Variants in TANGO6 observed in about 807,000 individuals in gnomAD.
TANGO6 encodes transport and golgi organization 6 homolog.
Under a neutral mutation model 114.2 loss-of-function variants are expected in TANGO6, and 90 were observed. The observed-to-expected ratio is 0.79, with a 90% confidence interval of 0.66 to 0.94. TANGO6 has a LOEUF of 0.94. TANGO6 is among the 40% of genes least tolerant of loss of function. The probability of loss-of-function intolerance (pLI) is 0.00; values close to 1 mark genes in which losing one functional copy is unlikely to be tolerated. For missense variants in TANGO6, 1,274 were observed against 1,315.3 expected, an observed-to-expected ratio of 0.97 and a Z score of 0.49; for synonymous variants, 477 against 509.8, an observed-to-expected ratio of 0.94 and a Z score of 0.87.
At chr16:69,007,814 T>C (rs1964107121) in intron 15 of TANGO6, among the ~76,000 whole-genome samples, 1 of 152,194 alleles carries the variant, frequency 6.6e-6, no homozygotes, top group African/African-American at 2.4e-5. Context: ...CAGGGCTTAT[T>C]ATTGTCTGCC....
In TANGO6 at chr16:68,867,218, G is replaced by A. The variant is rs1374128806; in HGVS notation, c.992G>A (p.Gly331Asp). 2 of 1,613,754 alleles carry A rather than the reference G, an allele frequency of 1.2e-6. No homozygotes were observed. Among genetic ancestry groups the A allele is most frequent in the South Asian group, 2.2e-5 (2 of 91,058 alleles). Residue 331 changes from glycine (G) to aspartate (D), a missense_variant and splice_region_variant, in exon 4 of 18, where the codon GGT (glycine) becomes GAT (aspartate). Gly to Asp is a moderately conservative substitution (Grantham distance 94). Transcript: ENST00000261778. ...GTCCGGGGCATTTTGGAAGGAGCAG[G>A]TGGTAAGAAATAAAATGTTGCTGTG... is the stretch of plus-strand genomic sequence containing the variant. ...AVVRGILEGA[G>D]AGAAGGSDAE...
intron 14 of TANGO6, among the ~76,000 whole-genome samples, chr16:68,931,424 CAT>C (rs1464179370): frequency 2.0e-5 from 3 of 152,194 alleles, no homozygotes; most frequent in African/African-American, 4.8e-5. Context: ...TAAATGAAAA[CAT>C]ATGTCTGCAC....
chr16:68,962,804 G>A lies in TANGO6; in HGVS notation c.2702-11224G>A, dbSNP rs184027119. Reference sequence around the variant, plus strand: ...AAAATAAAGAGTCAAAAAAGCGGCCGGGCGCGGTGGCTCATGCCTGTAATC... The same window carrying A: ...AAAATAAAGAGTCAAAAAAGCGGCCAGGCGCGGTGGCTCATGCCTGTAATC... On this transcript the variant is annotated intron_variant, in intron 14 of 17. Transcript: ENST00000261778. 2.7e-3 allele frequency among the ~76,000 whole-genome samples: 404 copies of A among 151,840 alleles called. 1 individual carries two copies. Among genetic ancestry groups the A allele is most frequent in the Non-Finnish European group, 4.4e-3 (299 of 67,932 alleles).
chr16:68,891,493 C>T (rs956958206), intron 7 of TANGO6, among the ~76,000 whole-genome samples: 2 of 152,086 alleles, frequency 1.3e-5, no homozygotes, highest in East Asian at 3.9e-4. Flanking sequence ...AGAAATGGAG[C>T]ATGTGAGAAC....
chr16:68,878,134 A>C lies in TANGO6; in HGVS notation c.1148A>C (p.His383Pro). 1 of 1,609,402 alleles carries C rather than the reference A, an allele frequency of 6.2e-7. No individual in the cohort carries two copies. The highest frequency in any genetic ancestry group is 8.5e-7 in the Non-Finnish European group (1 of 1,178,310). Residue 383 changes from histidine (H) to proline (P), a missense_variant, in exon 6 of 18, where the codon CAC (histidine) becomes CCC (proline). By Grantham distance (77) the His-to-Pro change is moderately conservative. Transcript: ENST00000261778. ...DICPQVLDLF[H>P]FQDKLTARQF... is the part of the protein sequence containing the mutation. ...TTTTTGTAGGTTCTGGATTTATTTC[A>C]CTTTCAAGATAAATTGACAGCACGA...
At chr16:69,040,172 G>A in intron 16 of TANGO6, 136 bp from the exon 17 acceptor site, 2 of 710,952 alleles carry the variant, frequency 2.8e-6, no homozygotes, top group South Asian at 1.9e-5. Context: ...TCTTTGTTGA[G>A]GATTAAGCAA....
At chr16:69,058,811 G>T (rs951237067) in intron 17 of TANGO6, among the ~76,000 whole-genome samples, 1 of 151,444 alleles carries the variant, frequency 6.6e-6, no homozygotes, top group African/African-American at 2.4e-5. Context: ...GACTACAGGC[G>T]CCCGCCACCA....
In TANGO6 at chr16:69,066,212, C is replaced by T. The variant is rs1213663844; in HGVS notation, c.3109-17273C>T. 2.0e-5 allele frequency among the ~76,000 whole-genome samples: 3 copies of T among 152,224 alleles called. No homozygotes were observed. The South Asian group carries it at 6.2e-4, about 32-fold the overall frequency. Reference sequence around the variant, plus strand: ...CTTCATTTATTCATCTGCCCAGCCACTCTGCCTTTGGCTTCTCCTCTCTAG... The same window carrying T: ...CTTCATTTATTCATCTGCCCAGCCATTCTGCCTTTGGCTTCTCCTCTCTAG... On this transcript the variant is annotated intron_variant, in intron 17 of 17. Transcript: ENST00000261778.
intron 14 of TANGO6, among the ~76,000 whole-genome samples, chr16:68,961,258 A>G (rs893102785): frequency 2.0e-5 from 3 of 152,236 alleles, no homozygotes; most frequent in Non-Finnish European, 4.4e-5. Flanking sequence ...TTGCAAAGCT[A>G]GTATGATTCC....
intron 9 of TANGO6, among the ~76,000 whole-genome samples, chr16:68,904,198 C>G (rs1400613733): frequency 6.6e-6 from 1 of 152,114 alleles, no homozygotes. Flanking sequence ...CCTCTGCCTC[C>G]TGGGTTCAAG....
chr16:68,877,387 G>A (rs1282207790), intron 5 of TANGO6, among the ~76,000 whole-genome samples: 3 of 150,186 alleles, frequency 2.0e-5, no homozygotes, highest in East Asian at 4.0e-4. Flanking sequence ...AGAATTGCTT[G>A]AACCTGGGAG....
intron 1 of TANGO6, among the ~76,000 whole-genome samples, chr16:68,849,088 A>G (rs1449854663): frequency 1.3e-5 from 2 of 152,182 alleles, no homozygotes; most frequent in Non-Finnish European, 2.9e-5. Flanking sequence ...TAATCCCAGC[A>G]CTTTGGGAGG....
intron 17 of TANGO6, among the ~76,000 whole-genome samples, chr16:69,068,714 G>A (rs151044319): frequency 6.6e-6 from 1 of 152,128 alleles, no homozygotes; most frequent in Non-Finnish European, 1.5e-5. Flanking sequence ...TTGGATCTTT[G>A]TTTTTGTTGT....
chr16:68,856,163 T>C (rs907115032), intron 1 of TANGO6, among the ~76,000 whole-genome samples: 4 of 152,196 alleles, frequency 2.6e-5, no homozygotes, highest in African/African-American at 7.2e-5. Flanking sequence ...TTCAGTAATA[T>C]GTTGAATAGA....
chr16:68,878,357 C>T, intron 6 of TANGO6, 77 bp downstream of exon 6: 2 of 1,467,784 alleles, frequency 1.4e-6, no homozygotes, highest in Admixed American at 2.5e-5. Context: ...TGATTTAAAT[C>T]TGTGTTATAT....
At chr16:68,954,038 G>A (rs960981378) in intron 14 of TANGO6, among the ~76,000 whole-genome samples, 1 of 151,682 alleles carries the variant, frequency 6.6e-6, no homozygotes, top group South Asian at 2.1e-4. Flanking sequence ...TCAGGAGTTC[G>A]AGACCAGCCT....
intron 12 of TANGO6, among the ~76,000 whole-genome samples, chr16:68,920,929 C>T (rs1963082093): frequency 6.6e-6 from 1 of 151,536 alleles, no homozygotes; most frequent in Non-Finnish European, 1.5e-5. Context: ...CTGGCTAACA[C>T]AGTGAAACTC....
intron 17 of TANGO6, among the ~76,000 whole-genome samples, chr16:69,073,617 C>T (rs887853102): frequency 6.6e-6 from 1 of 152,114 alleles, no homozygotes; most frequent in African/African-American, 2.4e-5. Flanking sequence ...TTTCATGCGG[C>T]CAGCCTCAGG....
chr16:69,076,053 G>A lies in TANGO6; in HGVS notation c.3109-7432G>A, dbSNP rs371506924. Among the ~76,000 whole-genome samples the A allele has an allele frequency of 1.8e-4, 27 of 148,452 alleles. No individual in the cohort carries two copies. In the East Asian group the frequency reaches 3.2e-3, roughly 18 times the overall value. On this transcript the variant is annotated intron_variant, in intron 17 of 17. Coordinates refer to ENST00000261778, the MANE Select transcript of TANGO6 (RefSeq NM_024562.2). Reference sequence around the variant, plus strand: ...GTTGGGATTACAGGCGTGAGCCACCGCGCCTGGCCTGAATTCAACATTTTT... The same window carrying A: ...GTTGGGATTACAGGCGTGAGCCACCACGCCTGGCCTGAATTCAACATTTTT...
Sources: gnomAD v4.1 joint callset for allele counts (sites outside exome capture counted in the v4.1 genomes callset) on GRCh38, gnomAD v4.1.1 for gene constraint, MANE v1.5 for transcripts, NCBI Gene and HGNC (gene_info 2026-07-23, HGNC 2026-07-21) for gene names.